The following CDH4 variants were observed in gnomAD, a reference collection of about 807,000 sequenced individuals.
The protein encoded by CDH4 is cadherin 4, also known as cadherin-4.
CDH4 carries 33 observed loss-of-function variants against 86.0 expected under a neutral mutation model. That is an observed-to-expected ratio of 0.38 (90% CI 0.29 to 0.51). CDH4 has a LOEUF of 0.51. Ranked by LOEUF, CDH4 falls within the 20% of genes least tolerant of loss-of-function variation. The probability of loss-of-function intolerance (pLI) is 0.86; values close to 1 mark genes in which losing one functional copy is unlikely to be tolerated. For missense variants in CDH4, 1,114 were observed against 1,307.4 expected, an observed-to-expected ratio of 0.85 and a Z score of 2.28; for synonymous variants, 555 against 549.4, an observed-to-expected ratio of 1.01 and a Z score of -0.14.
rs1388184316 is a variant in CDH4, at chr20:61,516,434, T to A, written c.170-227129T>A. ...TCACCTCCGACTCCTCATCACCAGA[T>A]GCCGCTGCGGCTTCCATTTTACAGA... On this transcript the variant is annotated intron_variant, in intron 2 of 15. Coordinates refer to ENST00000614565, the MANE Select transcript of CDH4 (RefSeq NM_001794.5). The surrounding 1 kb of genome is among the most constrained non-coding windows in gnomAD (Gnocchi z 4.0). Among the ~76,000 whole-genome samples, 2 of 152,170 alleles carry A rather than the reference T, an allele frequency of 1.3e-5. No individual in the cohort carries two copies. Among genetic ancestry groups the A allele is most frequent in the African/African-American group, 4.8e-5 (2 of 41,440 alleles).
At chr20:61,856,257 G>C (rs981218016) in intron 6 of CDH4, among the ~76,000 whole-genome samples, 2 of 152,192 alleles carry the variant, frequency 1.3e-5, no homozygotes, top group African/African-American at 4.8e-5. Flanking sequence ...CAAATGGAAA[G>C]ATGGGTTAAA....
rs2084121576 is a variant in CDH4 at position 61,260,316 on chromosome 20, G to T, written c.169+5379G>T. On this transcript the variant is annotated intron_variant, in intron 2 of 15. Coordinates refer to ENST00000614565, the MANE Select transcript of CDH4 (RefSeq NM_001794.5). Reference sequence around the variant, plus strand: ...CATGAATACTTGGTAACTGTTTGTTGAATAAATGAACAGTCACTACTCCAC... The same window carrying T: ...CATGAATACTTGGTAACTGTTTGTTTAATAAATGAACAGTCACTACTCCAC... 2.0e-5 allele frequency among the ~76,000 whole-genome samples: 3 copies of T among 152,172 alleles called. No homozygotes were observed. The South Asian group carries it at 6.2e-4, about 32-fold the overall frequency.
At chr20:61,664,217 A>G (rs2236415) in intron 2 of CDH4, among the ~76,000 whole-genome samples, 127,250 of 152,256 alleles carry the variant, frequency 0.84, 53,672 homozygotes, top group African/African-American at 0.96. Context: ...AGCAAGTCCA[A>G]GGCAGACCCT....
At chr20:61,419,587 G>T (rs1016979017) in intron 2 of CDH4, among the ~76,000 whole-genome samples, 3 of 152,084 alleles carry the variant, frequency 2.0e-5, no homozygotes, top group African/African-American at 7.2e-5. Context: ...CACCAGGAAG[G>T]TTCTGGCCCT....
intron 2 of CDH4, among the ~76,000 whole-genome samples, chr20:61,691,349 A>AT (rs1042401834): frequency 2.0e-5 from 3 of 147,758 alleles, no homozygotes; most frequent in African/African-American, 7.5e-5. Flanking sequence ...ATGTGTGTGT[A>AT]TTTTTGTGTG....
At chr20:61,310,538 T>C (rs1431607433) in intron 2 of CDH4, among the ~76,000 whole-genome samples, 1 of 152,200 alleles carries the variant, frequency 6.6e-6, no homozygotes, top group Non-Finnish European at 1.5e-5. Flanking sequence ...CTAATGCTGC[T>C]GATCTGAGAG....
At chr20:61,409,520 G>A in intron 2 of CDH4, among the ~76,000 whole-genome samples, 1 of 152,220 alleles carries the variant, frequency 6.6e-6, no homozygotes, top group Non-Finnish European at 1.5e-5. Flanking sequence ...CACACCCGGG[G>A]CCGCCTGGGC....
In CDH4 at chr20:61,663,744, C is replaced by T. The variant is rs936147036; in HGVS notation, c.170-79819C>T. 6.6e-6 allele frequency among the ~76,000 whole-genome samples: 1 copy of T among 152,176 alleles called. No individual in the cohort carries two copies. ...CAGAACCAGGCAGGGCTGACAGACG[C>T]GGGGTCGGGGGAAGATCAGGAGCTC... On this transcript the variant is annotated intron_variant, in intron 2 of 15. Coordinates refer to ENST00000614565, the MANE Select transcript of CDH4 (RefSeq NM_001794.5). This position sits in a 1 kb window ranked among gnomAD's most constrained non-coding sequence, Gnocchi z 5.0.
chr20:61,797,099 C>T (rs1000166539), intron 4 of CDH4, among the ~76,000 whole-genome samples: 23 of 151,228 alleles, frequency 1.5e-4, no homozygotes, highest in Admixed American at 8.5e-4. Context: ...CCCCCCCCAA[C>T]ACTGGCCAGC....
chr20:61,861,730 G>A (rs1016961189), intron 6 of CDH4, among the ~76,000 whole-genome samples: 21 of 152,250 alleles, frequency 1.4e-4, no homozygotes, highest in African/African-American at 3.9e-4. Context: ...TGGCTGCGGC[G>A]CCCCCAAGCG....
At chr20:61,661,885 A>G (rs528498062) in intron 2 of CDH4, among the ~76,000 whole-genome samples, 196 of 152,146 alleles carry the variant, frequency 1.3e-3, no homozygotes, top group African/African-American at 4.2e-3. Context: ...CATTCACTTG[A>G]TATTGTGCCG....
chr20:61,489,704 C>T (rs2085615613), intron 2 of CDH4, among the ~76,000 whole-genome samples: 1 of 152,242 alleles, frequency 6.6e-6, no homozygotes, highest in African/African-American at 2.4e-5. Flanking sequence ...TTCATCTTCT[C>T]AGCAGTCCTA....
Position 61,606,431 on chromosome 20 carries a change from C to T in CDH4, c.170-137132C>T, listed in dbSNP as rs187247018. ...TCAAGTGGGGGAGCTGGGATTTGAACCCAGACCCAGGCTGACTCCAGAGCT... is the reference window on the plus strand; with the variant it reads ...TCAAGTGGGGGAGCTGGGATTTGAATCCAGACCCAGGCTGACTCCAGAGCT... On this transcript the variant is annotated intron_variant, in intron 2 of 15. Coordinates refer to ENST00000614565, the MANE Select transcript of CDH4 (RefSeq NM_001794.5). 2.0e-3 allele frequency among the ~76,000 whole-genome samples: 303 copies of T among 152,324 alleles called. 1 individual carries two copies. The highest frequency in any genetic ancestry group is 3.5e-3 in the Non-Finnish European group (238 of 68,026).
rs79937299 is a variant in CDH4, at chr20:61,730,593, A to G, written c.170-12970A>G. Among the ~76,000 whole-genome samples, 922 of 152,344 alleles carry G rather than the reference A, an allele frequency of 6.1e-3. 34 individuals carry two copies. Among genetic ancestry groups the G allele is most frequent in the Admixed American group, 0.041 (627 of 15,310 alleles). On this transcript the variant is annotated intron_variant, in intron 2 of 15. Coordinates refer to ENST00000614565, the MANE Select transcript of CDH4 (RefSeq NM_001794.5). ...CAAAGTCACCTGGTTGGAAGGTGCC[A>G]GAGACCCCGGTGAGGAAGGCAGGCC...
At chr20:61,915,672 T>G (rs1452246173) in intron 9 of CDH4, among the ~76,000 whole-genome samples, 2 of 152,242 alleles carry the variant, frequency 1.3e-5, no homozygotes, top group Non-Finnish European at 2.9e-5. Flanking sequence ...TGCCCCCATC[T>G]GCAGAACATC....
At position 61,754,750 on chromosome 20, in the gene CDH4, CCA is replaced by C. The variant is rs1015916421; in HGVS notation, c.396+10970_396+10971del. ...GCACGCCCCGCACACACTATGCACA[CCA>C]CACACACAGTGCATGCCACACACAC... On this transcript the variant is annotated intron_variant, in intron 3 of 15. Coordinates refer to ENST00000614565, the MANE Select transcript of CDH4 (RefSeq NM_001794.5). This position sits in a 1 kb window ranked among gnomAD's most constrained non-coding sequence, Gnocchi z 4.7. Among the ~76,000 whole-genome samples the C allele has an allele frequency of 1.3e-4, 19 of 148,920 alleles. No individual in the cohort carries two copies. In the South Asian group the frequency reaches 1.5e-3, roughly 12 times the overall value.
At chr20:61,806,300 G>A (rs909889387) in intron 4 of CDH4, among the ~76,000 whole-genome samples, 2 of 152,126 alleles carry the variant, frequency 1.3e-5, no homozygotes, top group South Asian at 4.1e-4. Flanking sequence ...GGAGGGGGGC[G>A]TCCACAGGGC....
At chr20:61,936,162 C>T (rs1348864207) in intron 15 of CDH4, among the ~76,000 whole-genome samples, 1 of 151,964 alleles carries the variant, frequency 6.6e-6, no homozygotes, top group Non-Finnish European at 1.5e-5. Context: ...TCCACTTTCC[C>T]TCCAGACAAT....
chr20:61,303,945 T>G (rs1180852794), intron 2 of CDH4, among the ~76,000 whole-genome samples: 1 of 152,170 alleles, frequency 6.6e-6, no homozygotes, highest in African/African-American at 2.4e-5. Flanking sequence ...TAATAGAGGC[T>G]ACTTCGGAAC....
Sources: allele counts gnomAD v4.1 joint callset (sites outside exome capture counted in the v4.1 genomes callset), GRCh38; gene constraint gnomAD v4.1.1; non-coding constraint Gnocchi (gnomAD v3.1); transcripts MANE v1.5; gene names NCBI Gene and HGNC (gene_info 2026-07-23, HGNC 2026-07-21).